NRN1L: variants seen among roughly 807,000 people sequenced by gnomAD.
NRN1L encodes neuritin-like protein.
NRN1L carries 12 observed loss-of-function variants against 8.8 expected under a neutral mutation model. That is an observed-to-expected ratio of 1.36 (90% CI 0.87 to 2.20). The LOEUF (loss-of-function observed/expected upper bound fraction) is 2.20. Ranked by LOEUF, NRN1L falls within the 30% of genes most tolerant of loss-of-function variation. The probability of loss-of-function intolerance (pLI) is 0.00; values close to 1 mark genes in which losing one functional copy is unlikely to be tolerated. For missense variants in NRN1L, 266 were observed against 232.4 expected (o/e 1.14, Z -0.94); for synonymous variants, 114 against 99.2 (o/e 1.15, Z -0.88).
At chr16:67,887,555 C>G (rs1002574737), downstream of NRN1L, among the ~76,000 whole-genome samples, 1 of 151,526 alleles carries the variant, frequency 6.6e-6, no homozygotes, top group Non-Finnish European at 1.5e-5. Flanking sequence ...CAGGTGTGAG[C>G]CACCATGTTT....
rs899671016 is a variant in NRN1L, at chr16:67,886,314, G to T, written c.*55G>T. Reference sequence around the variant, plus strand: ...CTCCAGCCCTGCTCTGGCGGTGGTTGTCCAGGCTCTGCAGAGCGCAGCAGG... The same window carrying T: ...CTCCAGCCCTGCTCTGGCGGTGGTTTTCCAGGCTCTGCAGAGCGCAGCAGG... On this transcript the variant is annotated 3_prime_UTR_variant, in exon 3 of 3. Transcript: ENST00000339176. 1.4e-6 allele frequency: 2 copies of T among 1,454,402 alleles called. No individual in the cohort carries two copies. The highest frequency in any genetic ancestry group is 1.4e-5 in the African/African-American group (1 of 70,754). 90.1% of individuals were successfully genotyped at this position (1,454,402 alleles called of 1,614,324 possible).
At chr16:67,885,387 C>A in intron 1 of NRN1L, 2 of 466,584 alleles carry the variant, frequency 4.3e-6, no homozygotes, top group South Asian at 2.7e-5. Flanking sequence ...TGCTCCTGGT[C>A]CGGGGCCTCT....
At chr16:67,886,500 T>C, downstream of NRN1L, 1 of 509,188 alleles carries the variant, frequency 2.0e-6, no homozygotes, top group East Asian at 3.3e-5. Context: ...TCTTCCTCCT[T>C]ACAAACACTC....
downstream of NRN1L, among the ~76,000 whole-genome samples, chr16:67,888,509 G>C (rs762823927): frequency 5.9e-5 from 9 of 152,092 alleles, no homozygotes; most frequent in Non-Finnish European, 1.0e-4. Context: ...GCTTGGGGAG[G>C]GGGGAAAGAA....
downstream of NRN1L, among the ~76,000 whole-genome samples, chr16:67,887,912 C>T (rs1256408094): frequency 6.6e-6 from 1 of 152,202 alleles, no homozygotes; most frequent in African/African-American, 2.4e-5. Flanking sequence ...AAAACTCAGC[C>T]AGGCATAGTG....
rs756142116 is a variant in NRN1L, at chr16:67,884,894, T to A, written c.-10T>A. Reference sequence around the variant, plus strand: ...AGCAGCTAGCTCCTGCACTAGGCTCTCAGCCAGGGATGATGCGCTGCTGCC... The same window carrying A: ...AGCAGCTAGCTCCTGCACTAGGCTCACAGCCAGGGATGATGCGCTGCTGCC... On this transcript the variant is annotated 5_prime_UTR_variant, in exon 1 of 3. Coordinates refer to ENST00000339176, the MANE Select transcript of NRN1L (RefSeq NM_198443.2). The surrounding 1 kb of genome is among the most constrained non-coding windows in gnomAD (Gnocchi z 4.1). The A allele has an allele frequency of 3.7e-6, 6 of 1,603,542 alleles. No homozygotes were observed. The South Asian group carries it at 6.6e-5, about 18-fold the overall frequency.
rs1306133404 is a variant in NRN1L, at chr16:67,885,755, G to C, written c.113G>C (p.Gly38Ala). Residue 38 changes from glycine (G) to alanine (A), a missense_variant, in exon 2 of 3, where the codon GGC becomes GCC. Physicochemically the swap from Gly to Ala is moderately conservative, Grantham distance 60. Transcript: ENST00000339176. ...CCTCCCCTGGCAGCAGCTGCAGCGG[G>C]CCCAAACCGATGTGACACCATATAC... ...LLPPLAAAAA[G>A]PNRCDTIYQG... 2 of 1,608,552 alleles carry C rather than the reference G, an allele frequency of 1.2e-6. No individual in the cohort carries two copies. Among genetic ancestry groups the C allele is most frequent in the South Asian group, 2.2e-5 (2 of 90,504 alleles).
chr16:67,887,540 G>T (rs1250174396), downstream of NRN1L, among the ~76,000 whole-genome samples: 1 of 151,086 alleles, frequency 6.6e-6, no homozygotes, highest in Non-Finnish European at 1.5e-5. Flanking sequence ...AAAGTGCTGG[G>T]ATTGCAGGTG....
intron 1 of NRN1L, 156 bp downstream of exon 1, chr16:67,885,138 G>A: frequency 1.6e-6 from 1 of 634,910 alleles, no homozygotes; most frequent in African/African-American, 1.8e-5. Context: ...GAAAGTGAGA[G>A]GCACAAACAG....
Position 67,885,713 on chromosome 16 carries a change from C to CCCCACG in NRN1L, c.80-9_80-8insCCCACG. ...TTCCTTCCCCACCCCACCCCCGCCCCACTTCTAGTCCTTTTACCTCCCCTG... is the reference window on the plus strand; with the variant it reads ...TTCCTTCCCCACCCCACCCCCGCCCCCCCACGACTTCTAGTCCTTTTACCTCCCCTG... On this transcript the variant is annotated splice_polypyrimidine_tract_variant and intron_variant, in intron 1 of 2. Coordinates refer to ENST00000339176, the MANE Select transcript of NRN1L (RefSeq NM_198443.2). 4 of 1,509,786 alleles carry CCCCACG rather than the reference C, an allele frequency of 2.6e-6. No individual in the cohort carries two copies. The highest frequency in any genetic ancestry group is 3.6e-6 in the Non-Finnish European group (4 of 1,104,154). 93.5% of individuals were successfully genotyped at this position (1,509,786 alleles called of 1,614,324 possible). A position where few individuals can be genotyped will look rare whatever the true frequency, so the allele number is the denominator to read the frequency against.
chr16:67,885,709 GC>G lies in NRN1L; in HGVS notation c.80-9del. 1 of 688,810 alleles carries G rather than the reference GC, an allele frequency of 1.5e-6. No homozygotes were observed. The highest frequency in any genetic ancestry group is 2.1e-6 in the Non-Finnish European group (1 of 465,556). 42.7% of individuals were successfully genotyped at this position (688,810 alleles called of 1,614,324 possible). On this transcript the variant is annotated splice_polypyrimidine_tract_variant and intron_variant, in intron 1 of 2. Coordinates refer to ENST00000339176, the MANE Select transcript of NRN1L (RefSeq NM_198443.2). ...ACCATTCCTTCCCCACCCCACCCCC[GC>G]CCCACTTCTAGTCCTTTTACCTCCC...
At chr16:67,885,693 T>TCG in intron 1 of NRN1L, 29 bp from the exon 2 acceptor site, 1 of 1,257,212 alleles carries the variant, frequency 8.0e-7, no homozygotes, top group Non-Finnish European at 1.1e-6. Context: ...TACCATTCCT[T>TCG]CCCCACCCCA....
downstream of NRN1L, among the ~76,000 whole-genome samples, chr16:67,888,428 C>T (rs1348476994): frequency 6.6e-6 from 1 of 152,126 alleles, no homozygotes; most frequent in Non-Finnish European, 1.5e-5. Flanking sequence ...GATTACCATC[C>T]TCCTGCTGTG....
Position 67,884,920 on chromosome 16 carries a change from G to A in NRN1L, c.17G>A (p.Arg6His), listed in dbSNP as rs752912541. 2.5e-6 allele frequency: 4 copies of A among 1,605,612 alleles called. No homozygotes were observed. Among genetic ancestry groups the A allele is most frequent in the East Asian group, 4.5e-5 (2 of 44,860 alleles). The change falls in exon 1 of 3, where the codon CGC becomes CAC. Residue 6 changes from arginine to histidine, a missense_variant. Coordinates refer to ENST00000339176, the MANE Select transcript of NRN1L (RefSeq NM_198443.2). This position sits in a 1 kb window ranked among gnomAD's most constrained non-coding sequence, Gnocchi z 4.1. ...CAGCCAGGGATGATGCGCTGCTGCC[G>A]CCGCCGCTGCTGCTGCCGGCAACCA... MMRCC[R>H]RRCCCRQPPH...
In NRN1L at chr16:67,885,033, A is replaced by G. The variant is rs781642161; in HGVS notation, c.79+51A>G. 8 of 1,506,902 alleles carry G rather than the reference A, an allele frequency of 5.3e-6. No homozygotes were observed. The East Asian group carries it at 1.4e-4, about 26-fold the overall frequency. The allele number at this position is 1,506,902 out of a possible 1,614,324, so 93.3% of individuals were successfully genotyped here. ...GCCACACCCCCTTCTCGCCCAGCCA[A>G]GCCAGGCTGGGCATAGGGTGTGTGG... On this transcript the variant is annotated intron_variant, in intron 1 of 2. Transcript: ENST00000339176.
chr16:67,886,399 C>T (rs1210092152), downstream of NRN1L: 2 of 847,152 alleles, frequency 2.4e-6, no homozygotes, highest in Non-Finnish European at 3.5e-6. Flanking sequence ...TGGCTGTGGC[C>T]TTGCTTGCGG....
chr16:67,886,104 T>C lies in NRN1L; in HGVS notation c.343T>C (p.Cys115Arg), dbSNP rs1262730274. Residue 115 changes from cysteine to arginine, a missense_variant, in exon 3 of 3, where the codon TGC becomes CGC. Coordinates refer to ENST00000339176, the MANE Select transcript of NRN1L (RefSeq NM_198443.2). The part of the protein sequence containing the change: ...APRPNNLHTL[C>R]GAPVHVRERG... ...CCGTCCGAATAACTTGCACACTCTG[T>C]GCGGTGCCCCGGTGCATGTTCGGGA... 2 of 1,613,326 alleles carry C rather than the reference T, an allele frequency of 1.2e-6. No homozygotes were observed. The highest frequency in any genetic ancestry group is 1.7e-5 in the Admixed American group (1 of 59,908).
At chr16:67,885,620 C>T (rs1039416151) in intron 1 of NRN1L, 102 bp from the exon 2 acceptor site, 10 of 903,486 alleles carry the variant, frequency 1.1e-5, no homozygotes, top group Non-Finnish European at 1.7e-5. Context: ...GAGTCACATC[C>T]CCAGAGTGCT....
downstream of NRN1L, among the ~76,000 whole-genome samples, chr16:67,886,776 CCT>C (rs2058098024): frequency 6.6e-6 from 1 of 152,234 alleles, no homozygotes; most frequent in African/African-American, 2.4e-5. Context: ...TTCACCTCCT[CCT>C]CTCTCTGCCT....
Sources: allele counts gnomAD v4.1 joint callset (sites outside exome capture counted in the v4.1 genomes callset), GRCh38; gene constraint gnomAD v4.1.1; non-coding constraint Gnocchi (gnomAD v3.1); transcripts MANE v1.5; gene names NCBI Gene and HGNC (gene_info 2026-07-23, HGNC 2026-07-21).